The following BAZ2B variants were observed in gnomAD, a reference collection of about 807,000 sequenced individuals.
BAZ2B encodes the protein bromodomain adjacent to zinc finger domain protein 2B.
Under a neutral mutation model 246.0 loss-of-function variants are expected in BAZ2B, and 91 were observed. The ratio of observed to expected loss-of-function variants is 0.37; its 90% CI spans 0.31 to 0.44. The LOEUF (loss-of-function observed/expected upper bound fraction) is 0.44. BAZ2B is among the 20% of genes least tolerant of loss of function. The pLI is 1.00. For missense variants in BAZ2B, 2,332 were observed against 2,533.7 expected (o/e 0.92, Z 1.71); for synonymous variants, 855 against 860.0 (o/e 0.99, Z 0.10).
At chr2:159,337,851 G>A in intron 31 of BAZ2B, 79 bp from the exon 32 acceptor site, 2 of 1,332,004 alleles carry the variant, frequency 1.5e-6, no homozygotes, top group Non-Finnish European at 1.0e-6. Flanking sequence ...TTAAAATACA[G>A]CATTGGATAC....
chr2:159,332,196 A>G (rs2064895869), intron 34 of BAZ2B, among the ~76,000 whole-genome samples: 1 of 152,114 alleles, frequency 6.6e-6, no homozygotes. Flanking sequence ...AGTAATTAAA[A>G]AGTTGTTTGG....
intron 1 of BAZ2B, among the ~76,000 whole-genome samples, chr2:159,593,478 A>T (rs1689874981): frequency 6.6e-6 from 1 of 152,192 alleles, no homozygotes; most frequent in African/African-American, 2.4e-5. Context: ...TTTGTGGTAA[A>T]ATACACATAC....
At chr2:159,541,771 T>A (rs1193055497) in intron 2 of BAZ2B, among the ~76,000 whole-genome samples, 1 of 152,196 alleles carries the variant, frequency 6.6e-6, no homozygotes, top group African/African-American at 2.4e-5. Flanking sequence ...GTTCTTTTTT[T>A]CTTCATATGC....
chr2:159,551,965 G>T (rs2088313086), intron 2 of BAZ2B, among the ~76,000 whole-genome samples: 1 of 152,098 alleles, frequency 6.6e-6, no homozygotes, highest in African/African-American at 2.4e-5. Context: ...TTGGGTCTTA[G>T]ACTAAGAAAC....
intron 1 of BAZ2B, among the ~76,000 whole-genome samples, chr2:159,576,887 T>C (rs536109895): frequency 8.4e-4 from 85 of 100,870 alleles, no homozygotes; most frequent in Non-Finnish European, 1.4e-3. Flanking sequence ...CACTCCAGCC[T>C]GGGCTACAGA....
At chr2:159,579,934 T>G (rs766983304) in intron 1 of BAZ2B, among the ~76,000 whole-genome samples, 1 of 152,182 alleles carries the variant, frequency 6.6e-6, no homozygotes, top group Non-Finnish European at 1.5e-5. Context: ...TAATAAGAGA[T>G]ATTTATGACA....
chr2:159,500,201 G>A (rs1312317587), intron 2 of BAZ2B, among the ~76,000 whole-genome samples: 3 of 152,148 alleles, frequency 2.0e-5, no homozygotes, highest in African/African-American at 7.2e-5. Context: ...TGTATATGGT[G>A]TAAGAAGTGG....
chr2:159,661,752 C>T, the BAZ2B span, among the ~76,000 whole-genome samples: 3 of 150,780 alleles, frequency 2.0e-5, no homozygotes, highest in African/African-American at 7.4e-5. Flanking sequence ...GCATTTAGTA[C>T]ATTCACAATG....
chr2:159,705,077 G>A, the BAZ2B span, among the ~76,000 whole-genome samples: 3 of 151,134 alleles, frequency 2.0e-5, no homozygotes, highest in African/African-American at 7.3e-5. Context: ...CTGGAGTGCA[G>A]TGGCGCAATC....
At chr2:159,495,464 G>A (rs1215885767) in intron 2 of BAZ2B, among the ~76,000 whole-genome samples, 3 of 112,540 alleles carry the variant, frequency 2.7e-5, no homozygotes, top group Non-Finnish European at 4.9e-5. Context: ...CAGCCTGGGC[G>A]ACAGAGCGAG....
intron 29 of BAZ2B, 29 bp downstream of exon 29, chr2:159,348,978 G>C (rs771537836): frequency 3.7e-6 from 6 of 1,606,306 alleles, no homozygotes; most frequent in Non-Finnish European, 4.3e-6. Context: ...AATTGAGTAA[G>C]TGGCTGTAAA....
the BAZ2B span, among the ~76,000 whole-genome samples, chr2:159,709,291 G>C: frequency 4.6e-5 from 7 of 152,084 alleles, no homozygotes; most frequent in Non-Finnish European, 8.8e-5. Flanking sequence ...TCAGAGGCTG[G>C]GAAGAGTATG....
chr2:159,607,018 A>G (rs539530661), intron 1 of BAZ2B, among the ~76,000 whole-genome samples: 2 of 151,882 alleles, frequency 1.3e-5, no homozygotes, highest in South Asian at 4.2e-4. Context: ...CTCAAAAAAA[A>G]TAATTTTTAT....
chr2:159,607,005 C>T (rs773259447), intron 1 of BAZ2B, among the ~76,000 whole-genome samples: 17 of 150,072 alleles, frequency 1.1e-4, no homozygotes, highest in East Asian at 5.9e-4. Context: ...CTGCAACCTC[C>T]GCCTCAAAAA....
At chr2:159,706,511 T>C in the BAZ2B span, among the ~76,000 whole-genome samples, 4 of 152,232 alleles carry the variant, frequency 2.6e-5, no homozygotes, top group African/African-American at 9.6e-5. Flanking sequence ...AATTCTGAAG[T>C]TCGTGTGTGC....
chr2:159,477,553 T>C (rs1171065667), intron 3 of BAZ2B, among the ~76,000 whole-genome samples: 1 of 152,026 alleles, frequency 6.6e-6, no homozygotes, highest in African/African-American at 2.4e-5. Context: ...ATATTATATA[T>C]TTATGCATCA....
chr2:159,429,281 T>G, intron 10 of BAZ2B, 21 bp from the exon 11 acceptor site: 1 of 1,473,426 alleles, frequency 6.8e-7, no homozygotes, highest in Non-Finnish European at 9.2e-7. Flanking sequence ...ATTCAATTGG[T>G]TAATATAAAA....
At chr2:159,653,581 T>G in the BAZ2B span, among the ~76,000 whole-genome samples, 69,346 of 151,948 alleles carry the variant, frequency 0.46, 16,672 homozygotes, top group Middle Eastern at 0.64. Flanking sequence ...CAACTTGAAA[T>G]TGAATTTTAC....
At chr2:159,471,381 C>T (rs1345654126) in intron 3 of BAZ2B, among the ~76,000 whole-genome samples, 6 of 152,042 alleles carry the variant, frequency 3.9e-5, no homozygotes, top group African/African-American at 9.7e-5. Context: ...GCAAGAGGAT[C>T]GCTTTAGCCC....
Sources: allele counts gnomAD v4.1 joint callset (sites outside exome capture counted in the v4.1 genomes callset), GRCh38; gene constraint gnomAD v4.1.1; transcripts MANE v1.5; gene names NCBI Gene and HGNC (gene_info 2026-07-23, HGNC 2026-07-21).